MYO16: variants seen among roughly 807,000 people sequenced by gnomAD.
MYO16 encodes unconventional myosin-XVI.
A neutral mutation model predicts 205.3 loss-of-function variants in MYO16; 94 were observed. That is an observed-to-expected ratio of 0.46 (90% CI 0.39 to 0.54). The LOEUF (loss-of-function observed/expected upper bound fraction) is 0.54. Ranked by LOEUF, MYO16 falls within the 20% of genes least tolerant of loss-of-function variation. The probability of loss-of-function intolerance (pLI) is 0.00; values close to 1 mark genes in which losing one functional copy is unlikely to be tolerated. For synonymous variants in MYO16, 988 were observed against 954.0 expected (o/e 1.04, Z -0.66); for missense variants, 2,315 against 2,387.5 (o/e 0.97, Z 0.63).
the MYO16 span, among the ~76,000 whole-genome samples, chr13:108,553,060 C>T: frequency 0.083 from 10,131 of 122,652 alleles, 512 homozygotes; most frequent in East Asian, 0.14. Context: ...GCTCTGTCAC[C>T]CAGGCTGGAG....
chr13:108,742,652 CTT>C (rs1884945898), intron 4 of MYO16, among the ~76,000 whole-genome samples: 1 of 152,042 alleles, frequency 6.6e-6, no homozygotes, highest in Non-Finnish European at 1.5e-5. Context: ...ATTGAGAAGC[CTT>C]TTTGTTACTC....
At chr13:108,836,301 A>G (rs1321620360) in intron 9 of MYO16, among the ~76,000 whole-genome samples, 1 of 152,178 alleles carries the variant, frequency 6.6e-6, no homozygotes, top group Non-Finnish European at 1.5e-5. Context: ...GAAGTCAAGA[A>G]TTGGGATTTG....
chr13:108,871,051 T>C (rs1357533912), intron 12 of MYO16, among the ~76,000 whole-genome samples: 1 of 152,160 alleles, frequency 6.6e-6, no homozygotes, highest in Non-Finnish European at 1.5e-5. Flanking sequence ...CTACTTTTGT[T>C]TCTCTTTGAC....
chr13:109,062,102 A>AT (rs549659472), intron 27 of MYO16, among the ~76,000 whole-genome samples: 149 of 152,334 alleles, frequency 9.8e-4, no homozygotes, highest in African/African-American at 3.2e-3. Context: ...GAGAGATATC[A>AT]TAAAATTAGA....
intron 12 of MYO16, among the ~76,000 whole-genome samples, chr13:108,876,909 G>C (rs1470757642): frequency 3.3e-5 from 5 of 152,008 alleles, no homozygotes; most frequent in Non-Finnish European, 7.4e-5. Context: ...CTCATGATCT[G>C]CTCACCTCAG....
the MYO16 span, among the ~76,000 whole-genome samples, chr13:108,578,220 A>C: frequency 2.5e-4 from 38 of 152,194 alleles, no homozygotes; most frequent in Non-Finnish European, 5.4e-4. Context: ...GTCTGAAATG[A>C]CCTAGTAAAG....
chr13:108,985,983 A>T (rs992989804), intron 20 of MYO16, among the ~76,000 whole-genome samples: 2 of 152,330 alleles, frequency 1.3e-5, no homozygotes, highest in Non-Finnish European at 2.9e-5. Context: ...ACAGTTCCAC[A>T]TGGCTAGGGA....
chr13:108,783,909 C>G (rs9587685), intron 4 of MYO16, among the ~76,000 whole-genome samples: 35,675 of 152,040 alleles, frequency 0.23, 4,375 homozygotes, highest in African/African-American at 0.3. Context: ...GGGTATGTCT[C>G]TAACAGCAGT....
At chr13:108,981,848 T>C (rs912849085) in intron 20 of MYO16, among the ~76,000 whole-genome samples, 2 of 152,256 alleles carry the variant, frequency 1.3e-5, no homozygotes, top group African/African-American at 4.8e-5. Context: ...ACATTTTTTG[T>C]ATGTACATTT....
chr13:109,078,293 A>G (rs78308944), intron 27 of MYO16, among the ~76,000 whole-genome samples: 7 of 150,100 alleles, frequency 4.7e-5, no homozygotes, highest in Non-Finnish European at 8.9e-5. Context: ...AAAAAAAATT[A>G]CTAGGCATGG....
rs1360691686 is a variant in MYO16 at position 108,961,590 on chromosome 13, A to C, written c.2089A>C (p.Ile697Leu). The C allele has an allele frequency of 6.2e-7, 1 of 1,614,052 alleles. No homozygotes were observed. Among genetic ancestry groups the C allele is most frequent in the Non-Finnish European group, 8.5e-7 (1 of 1,180,004 alleles). The change falls in exon 18 of 35, where the codon ATT becomes CTT. Residue 697 changes from isoleucine to leucine, a missense_variant. Physicochemically the swap from Ile to Leu is conservative, Grantham distance 5. Transcript: ENST00000457511. ...AGCAGCAATATTGCACCTTGGAGACATTCGGTTTACTGCCCTGAATGAGGG... is the reference window on the plus strand; with the variant it reads ...AGCAGCAATATTGCACCTTGGAGACCTTCGGTTTACTGCCCTGAATGAGGG... ...ILAAILHLGDIRFTALNEGNS... is the reference protein window; with the variant it reads ...ILAAILHLGDLRFTALNEGNS...
intron 27 of MYO16, among the ~76,000 whole-genome samples, chr13:109,070,791 T>G (rs1887899921): frequency 6.6e-6 from 1 of 152,202 alleles, no homozygotes; most frequent in Non-Finnish European, 1.5e-5. Context: ...ACAGCATTCT[T>G]TGTAATATTC....
At chr13:108,637,448 A>T (rs1477198821) in intron 1 of MYO16, among the ~76,000 whole-genome samples, 1 of 152,192 alleles carries the variant, frequency 6.6e-6, no homozygotes, top group Admixed American at 6.5e-5. Flanking sequence ...ATAGACCTGG[A>T]TAGATTAAGT....
At chr13:108,694,083 A>T (rs1484333191) in intron 2 of MYO16, among the ~76,000 whole-genome samples, 1 of 152,198 alleles carries the variant, frequency 6.6e-6, no homozygotes, top group Non-Finnish European at 1.5e-5. Context: ...GTGTACATGT[A>T]CCATATTTTC....
chr13:108,653,649 A>T (rs1204211499), intron 1 of MYO16, among the ~76,000 whole-genome samples: 1 of 151,712 alleles, frequency 6.6e-6, no homozygotes, highest in Admixed American at 6.6e-5. Flanking sequence ...AACTGGTATC[A>T]TTTAGTATGT....
intron 20 of MYO16, among the ~76,000 whole-genome samples, chr13:108,987,400 A>G (rs1436570063): frequency 3.3e-5 from 5 of 152,230 alleles, no homozygotes; most frequent in Non-Finnish European, 7.3e-5. Flanking sequence ...AGTTTCTCTC[A>G]TAGACTAAAA....
chr13:108,793,669 A>G, intron 6 of MYO16, 29 bp downstream of exon 6: 1 of 1,590,782 alleles, frequency 6.3e-7, no homozygotes, highest in Non-Finnish European at 8.6e-7. Flanking sequence ...CTCAGAAACT[A>G]TTTGAATAGA....
intron 9 of MYO16, 46 bp from the exon 10 acceptor site, chr13:108,844,297 A>C: frequency 6.5e-7 from 1 of 1,530,464 alleles, no homozygotes; most frequent in Non-Finnish European, 8.9e-7. Flanking sequence ...CGATTGATAA[A>C]ACATTAGAAA....
At chr13:108,593,527 G>A (rs569205508), upstream of MYO16, among the ~76,000 whole-genome samples, 1 of 152,124 alleles carries the variant, frequency 6.6e-6, no homozygotes, top group Admixed American at 6.5e-5. Flanking sequence ...CCCCACGGAC[G>A]AATTGTTTTC....
Sources: gnomAD v4.1 joint callset for allele counts (sites outside exome capture counted in the v4.1 genomes callset) on GRCh38, gnomAD v4.1.1 for gene constraint, MANE v1.5 for transcripts, NCBI Gene and HGNC (gene_info 2026-07-23, HGNC 2026-07-21) for gene names.